YWHAQ: variants seen among roughly 807,000 people sequenced by gnomAD.
The protein encoded by YWHAQ is tyrosine 3-monooxygenase/tryptophan 5-monooxygenase activation protein theta.
In YWHAQ, 6 loss-of-function variants were observed where a neutral mutation model predicts 28.3. That is an observed-to-expected ratio of 0.21 (90% confidence interval 0.12 to 0.42). The LOEUF is 0.42. YWHAQ is among the 10% of genes least tolerant of loss of function. The pLI is 1.00. For synonymous variants in YWHAQ, 143 were observed against 119.1 expected (o/e 1.20, Z -1.31); for missense variants, 201 against 305.6 (o/e 0.66, Z 2.55).
At chr2:9,594,540 C>T (rs1040435303) in intron 2 of YWHAQ, among the ~76,000 whole-genome samples, 5 of 151,928 alleles carry the variant, frequency 3.3e-5, no homozygotes, top group South Asian at 2.1e-4. Flanking sequence ...GTATTTATAC[C>T]GAGAGAAATA....
chr2:9,593,242 T>C (rs1245576695), intron 2 of YWHAQ, among the ~76,000 whole-genome samples: 1 of 149,310 alleles, frequency 6.7e-6, no homozygotes, highest in Non-Finnish European at 1.5e-5. Context: ...ATGTCTTTTT[T>C]TTTTTTTTTT....
rs1304029086 is a variant in YWHAQ at position 9,588,186 on chromosome 2, A to G, written c.561T>C (p.Leu187=). ...FYYEILNNPE[L]ACTLAKTAFD... is the part of the protein sequence containing the mutation. The stretch of plus-strand genomic sequence containing the variant: ...TTACCGTTTTAGCCAGCGTGCAGGC[A>G]AGCTCTGGGTTATTAAGAATCTCAT... Residue 187 remains leucine (L), a synonymous_variant, in exon 4 of 6, where the codon CTT becomes CTC. Coordinates refer to ENST00000238081, the MANE Select transcript of YWHAQ (RefSeq NM_006826.4). The G allele has an allele frequency of 6.3e-7, 1 of 1,575,762 alleles. No individual in the cohort carries two copies. Among genetic ancestry groups the G allele is most frequent in the East Asian group, 2.3e-5 (1 of 43,272 alleles).
intron 2 of YWHAQ, among the ~76,000 whole-genome samples, chr2:9,604,638 G>A (rs755137672): frequency 5.3e-5 from 8 of 152,140 alleles, no homozygotes; most frequent in Non-Finnish European, 7.4e-5. Context: ...ACAGTATTAA[G>A]GAGACGCAAA....
chr2:9,606,932 T>C (rs1293895181), intron 2 of YWHAQ, among the ~76,000 whole-genome samples: 1 of 151,694 alleles, frequency 6.6e-6, no homozygotes, highest in Non-Finnish European at 1.5e-5. Flanking sequence ...TCGCCCAGGC[T>C]GCAGTGCAGT....
At chr2:9,625,552 A>G (rs1667233134) in intron 2 of YWHAQ, among the ~76,000 whole-genome samples, 1 of 152,178 alleles carries the variant, frequency 6.6e-6, no homozygotes, top group South Asian at 2.1e-4. Context: ...TTCATGTCAT[A>G]AGCAGTTACA....
Position 9,588,294 on chromosome 2 carries a change from C to T in YWHAQ, c.453G>A (p.Glu151=). 1 of 1,609,212 alleles carries T rather than the reference C, an allele frequency of 6.2e-7. No homozygotes were observed. Among genetic ancestry groups the T allele is most frequent in the South Asian group, 1.1e-5 (1 of 89,882 alleles). The change falls in exon 4 of 6, where the codon GAG becomes GAA. Residue 151 remains glutamate, a synonymous_variant. Coordinates refer to ENST00000238081, the MANE Select transcript of YWHAQ (RefSeq NM_006826.4). ...TIDNSQGAYQ[E]AFDISKKEMQ... ...TCTCTTTCTTGCTTATATCAAATGCCTCTTGGTAAGCTCCTTGGGAATTAT... is the reference window on the plus strand; with the variant it reads ...TCTCTTTCTTGCTTATATCAAATGCTTCTTGGTAAGCTCCTTGGGAATTAT...
chr2:9,629,836 G>A (rs1013975402), intron 2 of YWHAQ, among the ~76,000 whole-genome samples: 3 of 152,222 alleles, frequency 2.0e-5, no homozygotes, highest in Non-Finnish European at 4.4e-5. Context: ...AGGGCTCACA[G>A]ATCTCAGGAC....
intron 3 of YWHAQ, among the ~76,000 whole-genome samples, chr2:9,588,780 C>G (rs1213402195): frequency 6.6e-6 from 1 of 151,916 alleles, no homozygotes; most frequent in African/African-American, 2.4e-5. Flanking sequence ...CAAAAACAAA[C>G]AAACAAAAAC....
intron 2 of YWHAQ, among the ~76,000 whole-genome samples, chr2:9,615,559 G>A (rs75134852): frequency 2.3e-3 from 343 of 152,198 alleles, no homozygotes; most frequent in Non-Finnish European, 4.0e-3. Flanking sequence ...GTCCTCTTAG[G>A]GAACCCAAAC....
intron 2 of YWHAQ, among the ~76,000 whole-genome samples, chr2:9,618,137 T>C (rs1056624444): frequency 6.6e-6 from 1 of 152,150 alleles, no homozygotes; most frequent in African/African-American, 2.4e-5. Flanking sequence ...TATTAATGGA[T>C]ATAGAATTTG....
At chr2:9,603,866 A>G (rs1666764419) in intron 2 of YWHAQ, among the ~76,000 whole-genome samples, 1 of 152,128 alleles carries the variant, frequency 6.6e-6, no homozygotes, top group African/African-American at 2.4e-5. Flanking sequence ...AGGAGGTCAC[A>G]GTGAGCTGAG....
intron 2 of YWHAQ, among the ~76,000 whole-genome samples, chr2:9,607,322 G>A (rs564615407): frequency 2.7e-5 from 4 of 150,068 alleles, no homozygotes; most frequent in African/African-American, 4.9e-5. Context: ...TGCCTCAGCC[G>A]CTCGAGTAGC....
intron 2 of YWHAQ, among the ~76,000 whole-genome samples, chr2:9,597,123 T>A (rs1666587925): frequency 1.3e-5 from 2 of 152,246 alleles, no homozygotes; most frequent in Non-Finnish European, 1.5e-5. Flanking sequence ...GTGATGAGAC[T>A]ATTATGATCT....
In YWHAQ at chr2:9,585,191, T is replaced by C. The variant is rs1666318131; in HGVS notation, c.*95A>G. The C allele has an allele frequency of 8.9e-6, 12 of 1,349,264 alleles. No individual in the cohort carries two copies. Among genetic ancestry groups the C allele is most frequent in the African/African-American group, 5.8e-5 (4 of 69,472 alleles). The allele number at this position is 1,349,264 out of a possible 1,614,324, so 83.6% of individuals were successfully genotyped here. A position where few individuals can be genotyped will look rare whatever the true frequency, so the allele number is the denominator to read the frequency against. ...AAACAGTTGATTCCATACACATGAA[T>C]GGGTTTCTTTGCTATAGGAAATCCA... On this transcript the variant is annotated 3_prime_UTR_variant, in exon 6 of 6. Coordinates refer to ENST00000238081, the MANE Select transcript of YWHAQ (RefSeq NM_006826.4).
At chr2:9,598,190 C>G (rs574781635) in intron 2 of YWHAQ, among the ~76,000 whole-genome samples, 1 of 152,136 alleles carries the variant, frequency 6.6e-6, no homozygotes, top group African/African-American at 2.4e-5. Flanking sequence ...TTAGCGGACA[C>G]CACACAGAAG....
intron 2 of YWHAQ, among the ~76,000 whole-genome samples, chr2:9,629,564 A>G (rs1421691316): frequency 6.6e-6 from 1 of 152,182 alleles, no homozygotes; most frequent in Non-Finnish European, 1.5e-5. Flanking sequence ...TTAAATGTTG[A>G]AATTTACCAG....
chr2:9,630,410 G>C lies in YWHAQ; in HGVS notation c.43C>G (p.Gln15Glu), dbSNP rs1667340318. 2 of 1,613,110 alleles carry C rather than the reference G, an allele frequency of 1.2e-6. No homozygotes were observed. Among genetic ancestry groups the C allele is most frequent in the Non-Finnish European group, 1.7e-6 (2 of 1,179,976 alleles). ...GCCATGTCGTCGTAGCGCTCGGCCT[G>C]CTCGGCCAGCTTGGCCTTCTGGATC... ...ELIQKAKLAE[Q>E]AERYDDMATC... The change falls in exon 2 of 6, where the codon CAG becomes GAG. Residue 15 changes from glutamine (Q) to glutamate (E), a missense_variant. By Grantham distance (29) the Gln-to-Glu change is conservative. This residue lies in a region of YWHAQ where 162 missense variants were observed against 213.9 expected (regional missense o/e 0.76). Transcript: ENST00000238081. The surrounding 1 kb of genome is among the most constrained non-coding windows in gnomAD (Gnocchi z 5.6).
intron 2 of YWHAQ, among the ~76,000 whole-genome samples, chr2:9,604,659 A>C (rs914078089): frequency 6.6e-6 from 1 of 152,210 alleles, no homozygotes; most frequent in East Asian, 1.9e-4. Context: ...ACCTGCATGT[A>C]AGGAGGGCCG....
chr2:9,586,287 ATGAAG>A (rs1211172453), intron 5 of YWHAQ, among the ~76,000 whole-genome samples: 1 of 152,240 alleles, frequency 6.6e-6, no homozygotes, highest in African/African-American at 2.4e-5. Context: ...GGATAGGAAG[ATGAAG>A]TGAAGAAGAG....
Sources: gnomAD v4.1 joint callset for allele counts (sites outside exome capture counted in the v4.1 genomes callset) on GRCh38, gnomAD v4.1.1 for gene constraint, gnomAD v4.1.1 regional missense constraint, Gnocchi (gnomAD v3.1) non-coding constraint, MANE v1.5 for transcripts, NCBI Gene and HGNC (gene_info 2026-07-23, HGNC 2026-07-21) for gene names.